The following LRRC4C variants were observed in gnomAD, a reference collection of about 807,000 sequenced individuals.
LRRC4C encodes the protein leucine-rich repeat-containing protein 4C.
A neutral mutation model predicts 33.6 loss-of-function variants in LRRC4C; 5 were observed. The observed-to-expected ratio is 0.15, with a 90% CI of 0.08 to 0.31. The LOEUF is 0.31. Ranked by LOEUF, LRRC4C falls within the 10% of genes least tolerant of loss-of-function variation. LRRC4C has a pLI of 1.00. For synonymous variants in LRRC4C, 329 were observed against 302.0 expected (o/e 1.09, Z -0.93); for missense variants, 560 against 796.7 (o/e 0.70, Z 3.58).
At chr11:40,836,071 A>G (rs1222879512) in intron 2 of LRRC4C, among the ~76,000 whole-genome samples, 2 of 152,196 alleles carry the variant, frequency 1.3e-5, no homozygotes, top group African/African-American at 4.8e-5. Flanking sequence ...ATAATCTAAG[A>G]TGGAAACATT....
chr11:40,209,853 G>C (rs966993452), intron 5 of LRRC4C, among the ~76,000 whole-genome samples: 5 of 152,174 alleles, frequency 3.3e-5, no homozygotes, highest in African/African-American at 1.2e-4. Flanking sequence ...CCTGATAAAA[G>C]AGAAGTATTG....
chr11:40,603,278 A>C (rs1231436812), intron 3 of LRRC4C, among the ~76,000 whole-genome samples: 1 of 152,194 alleles, frequency 6.6e-6, no homozygotes, highest in Non-Finnish European at 1.5e-5. Flanking sequence ...GCATTTCAAG[A>C]TTGATGTGTG....
At chr11:40,429,077 G>A (rs887239415) in intron 3 of LRRC4C, among the ~76,000 whole-genome samples, 3 of 152,122 alleles carry the variant, frequency 2.0e-5, no homozygotes, top group African/African-American at 7.2e-5. Flanking sequence ...TCCTGTAATG[G>A]TATTAAGAAA....
intron 3 of LRRC4C, among the ~76,000 whole-genome samples, chr11:40,345,884 G>GT (rs1947105467): frequency 8.8e-6 from 1 of 113,148 alleles, no homozygotes; most frequent in African/African-American, 2.9e-5. Flanking sequence ...TAAAAAGTGG[G>GT]CAAATATATG....
chr11:41,325,674 AAACAACAACAACAAC>A (rs142699257), intron 1 of LRRC4C, among the ~76,000 whole-genome samples: 1 of 150,382 alleles, frequency 6.6e-6, no homozygotes, highest in African/African-American at 2.5e-5. Context: ...TTCACTGCAA[AAACAACAACAACAAC>A]AACAACAACA....
chr11:41,227,561 A>G (rs1158959045), intron 1 of LRRC4C, among the ~76,000 whole-genome samples: 5 of 152,076 alleles, frequency 3.3e-5, no homozygotes, highest in Admixed American at 6.6e-5. Context: ...ATGCAGTGGC[A>G]CAATCATGGC....
chr11:41,226,662 C>T (rs1179929240), intron 1 of LRRC4C, among the ~76,000 whole-genome samples: 1 of 151,626 alleles, frequency 6.6e-6, no homozygotes, highest in Non-Finnish European at 1.5e-5. Context: ...CATCAGTGCT[C>T]TACCTTTGTT....
intron 3 of LRRC4C, among the ~76,000 whole-genome samples, chr11:40,336,707 T>C (rs1946620361): frequency 6.6e-6 from 1 of 151,926 alleles, no homozygotes. Context: ...CTGGGCACGG[T>C]GGCTCACGCC....
chr11:41,239,949 T>A (rs1948183810), intron 1 of LRRC4C, among the ~76,000 whole-genome samples: 1 of 152,226 alleles, frequency 6.6e-6, no homozygotes, highest in South Asian at 2.1e-4. Context: ...TGATGATTTT[T>A]GAAACCTTAG....
chr11:40,846,439 T>G (rs1362650063), intron 2 of LRRC4C, among the ~76,000 whole-genome samples: 1 of 152,114 alleles, frequency 6.6e-6, no homozygotes, highest in Non-Finnish European at 1.5e-5. Flanking sequence ...ATAGGGAAGA[T>G]TTCCCCATTG....
intron 2 of LRRC4C, among the ~76,000 whole-genome samples, chr11:40,688,246 T>C (rs1430007638): frequency 6.6e-6 from 1 of 152,116 alleles, no homozygotes; most frequent in Non-Finnish European, 1.5e-5. Context: ...TGTGTGGAAC[T>C]GAAGACCTAA....
At chr11:40,423,640 G>T (rs375882851) in intron 3 of LRRC4C, among the ~76,000 whole-genome samples, 16 of 152,216 alleles carry the variant, frequency 1.1e-4, no homozygotes, top group African/African-American at 3.6e-4. Context: ...CACCGCGTCC[G>T]GCTGTTCATG....
chr11:41,412,584 A>C (rs1336142624), intron 1 of LRRC4C, among the ~76,000 whole-genome samples: 2 of 152,174 alleles, frequency 1.3e-5, no homozygotes, highest in African/African-American at 4.8e-5. Context: ...TTAATCTGTT[A>C]ATTGCACTTT....
chr11:40,276,710 TG>T (rs1943128589), intron 4 of LRRC4C, among the ~76,000 whole-genome samples: 6 of 151,520 alleles, frequency 4.0e-5, no homozygotes, highest in African/African-American at 9.7e-5. Context: ...TGTGTGTGTG[TG>T]TGTGTGTGTG....
At chr11:41,398,356 A>G (rs1435919406) in intron 1 of LRRC4C, among the ~76,000 whole-genome samples, 2 of 150,696 alleles carry the variant, frequency 1.3e-5, no homozygotes, top group Non-Finnish European at 2.9e-5. Context: ...TAATGCAGAA[A>G]TCCCATTACG....
At chr11:40,548,144 A>T (rs556469413) in intron 3 of LRRC4C, among the ~76,000 whole-genome samples, 1 of 152,214 alleles carries the variant, frequency 6.6e-6, no homozygotes, top group Admixed American at 6.5e-5. Context: ...CCAGAAAAAA[A>T]ATCACTGAAG....
At chr11:40,682,106 T>TA (rs1160807450) in intron 2 of LRRC4C, among the ~76,000 whole-genome samples, 5 of 151,552 alleles carry the variant, frequency 3.3e-5, no homozygotes, top group Admixed American at 1.3e-4. Context: ...AAATAAAATT[T>TA]AAAAAATACA....
At chr11:41,147,510 G>C (rs761219965) in intron 1 of LRRC4C, among the ~76,000 whole-genome samples, 3 of 152,160 alleles carry the variant, frequency 2.0e-5, no homozygotes, top group Non-Finnish European at 4.4e-5. Context: ...GTCTGGGAAA[G>C]AAGTAGAGAA....
chr11:40,395,724 T>A (rs1256240228), intron 3 of LRRC4C, among the ~76,000 whole-genome samples: 1 of 152,110 alleles, frequency 6.6e-6, no homozygotes, highest in Non-Finnish European at 1.5e-5. Flanking sequence ...CAGTGGCTCA[T>A]GCCTGTAATC....
Sources: allele counts gnomAD v4.1 joint callset (sites outside exome capture counted in the v4.1 genomes callset), GRCh38; gene constraint gnomAD v4.1.1; transcripts MANE v1.5; gene names NCBI Gene and HGNC (gene_info 2026-07-23, HGNC 2026-07-21).